The following GLRA3 variants were observed in gnomAD, a reference collection of about 807,000 sequenced individuals.
GLRA3 encodes the protein glycine receptor alpha 3.
Under a neutral mutation model 60.4 loss-of-function variants are expected in GLRA3, and 44 were observed. That is an observed-to-expected ratio of 0.73 (90% CI 0.57 to 0.94). The LOEUF is 0.94. Among genes scored for constraint, GLRA3 ranks in the 40% least tolerant of loss-of-function variants. GLRA3 has a pLI of 0.00. For missense variants in GLRA3, 508 were observed against 564.6 expected (o/e 0.90, Z 1.02); for synonymous variants, 223 against 192.9 (o/e 1.16, Z -1.29).
At chr4:174,691,227 T>C (rs1734780993) in intron 5 of GLRA3, among the ~76,000 whole-genome samples, 1 of 152,230 alleles carries the variant, frequency 6.6e-6, no homozygotes, top group Non-Finnish European at 1.5e-5. Context: ...TTTTTAGTAA[T>C]AGCCATTTTG....
intron 5 of GLRA3, among the ~76,000 whole-genome samples, chr4:174,692,151 C>T (rs1027876003): frequency 1.3e-5 from 2 of 151,974 alleles, no homozygotes; most frequent in African/African-American, 4.8e-5. Context: ...AGCCCCTCCG[C>T]CCAGCAGCCA....
chr4:174,718,354 A>G lies in GLRA3; in HGVS notation c.492-2784T>C, dbSNP rs1285455892. Among the ~76,000 whole-genome samples the G allele has an allele frequency of 4.6e-5, 7 of 152,318 alleles. No individual in the cohort carries two copies. The East Asian group carries it at 7.7e-4, about 17-fold the overall frequency. On this transcript the variant is annotated intron_variant, in intron 4 of 9. Transcript: ENST00000274093. Reference sequence around the variant, plus strand: ...ATAAATGTTTACTTGTGTAAGAGAGACACTAAGTTCTCTTTCTGAGACAAG... The same window carrying G: ...ATAAATGTTTACTTGTGTAAGAGAGGCACTAAGTTCTCTTTCTGAGACAAG...
rs377758297 is a variant in GLRA3, at chr4:174,820,901, A to AT, written c.71+7839dup. ...TTGTTGCCACAGTTAGCTGACAATC[A>AT]TTTTTTTTTTAAATTTCATAGTAAC... On this transcript the variant is annotated intron_variant, in intron 1 of 9. Coordinates refer to ENST00000274093, the MANE Select transcript of GLRA3 (RefSeq NM_006529.4). Among the ~76,000 whole-genome samples, 105 of 150,650 alleles carry AT rather than the reference A, an allele frequency of 7.0e-4. 1 individual carries two copies. The highest frequency in any genetic ancestry group is 5.4e-3 in the South Asian group (26 of 4,772).
chr4:174,794,654 T>G (rs1739488435), intron 1 of GLRA3, among the ~76,000 whole-genome samples: 1 of 152,202 alleles, frequency 6.6e-6, no homozygotes, highest in African/African-American at 2.4e-5. Context: ...AAACTCATTC[T>G]TAATCTTTTT....
chr4:174,795,288 T>G (rs1739520502), intron 1 of GLRA3, among the ~76,000 whole-genome samples: 1 of 152,064 alleles, frequency 6.6e-6, no homozygotes, highest in Non-Finnish European at 1.5e-5. Context: ...ACTAAAATTA[T>G]CTGCTTTCTC....
chr4:174,730,546 C>T (rs1736512264), intron 3 of GLRA3, among the ~76,000 whole-genome samples: 1 of 152,184 alleles, frequency 6.6e-6, no homozygotes. Flanking sequence ...CTGTTCACCA[C>T]ACTTAGGCTA....
At chr4:174,747,670 A>G (rs1464665853) in intron 3 of GLRA3, among the ~76,000 whole-genome samples, 1 of 152,102 alleles carries the variant, frequency 6.6e-6, no homozygotes, top group Non-Finnish European at 1.5e-5. Context: ...GTGATTCATT[A>G]GATATTGAGC....
Position 174,829,055 on chromosome 4 carries a change from T to G in GLRA3, c.-244A>C, listed in dbSNP as rs1741098533. The G allele has an allele frequency of 2.2e-6, 1 of 446,942 alleles. No individual in the cohort carries two copies. Among genetic ancestry groups the G allele is most frequent in the Admixed American group, 3.8e-5 (1 of 26,188 alleles). The allele number at this position is 446,942 out of a possible 1,614,324, so 27.7% of individuals were successfully genotyped here. ...TTTACAGTGAAATTACAAAAATGAG[T>G]GAGATGAAATGTCTGAAGTGCCTAG... On this transcript the variant is annotated 5_prime_UTR_variant, in exon 1 of 10. Transcript: ENST00000274093.
At chr4:174,781,122 C>A (rs1738850863) in intron 2 of GLRA3, among the ~76,000 whole-genome samples, 1 of 152,034 alleles carries the variant, frequency 6.6e-6, no homozygotes, top group Admixed American at 6.5e-5. Flanking sequence ...ATCTCTCAGA[C>A]CACAGTGCAA....
At chr4:174,752,356 G>T (rs1579552466) in intron 3 of GLRA3, among the ~76,000 whole-genome samples, 1 of 152,100 alleles carries the variant, frequency 6.6e-6, no homozygotes, top group Non-Finnish European at 1.5e-5. Flanking sequence ...AGGGAAAGAG[G>T]TTAAATTTCA....
rs139401768 is a variant in GLRA3, at chr4:174,774,458, A to G, written c.200-7428T>C. 3.0e-3 allele frequency among the ~76,000 whole-genome samples: 285 copies of G among 94,406 alleles called. 7 individuals carry two copies. The highest frequency in any genetic ancestry group is 5.0e-4 in the Non-Finnish European group (22 of 43,862). The allele number at this position is 94,406 out of a possible 152,430, so 61.9% of individuals were successfully genotyped here. On this transcript the variant is annotated intron_variant, in intron 2 of 9. Transcript: ENST00000274093. ...TATATATAGATATATCCTGGCAGGCACCAACTTAATCAGGTAATCATAACC... is the reference window on the plus strand; with the variant it reads ...TATATATAGATATATCCTGGCAGGCGCCAACTTAATCAGGTAATCATAACC...
At chr4:174,810,301 T>C (rs985210902) in intron 1 of GLRA3, among the ~76,000 whole-genome samples, 1 of 152,146 alleles carries the variant, frequency 6.6e-6, no homozygotes, top group African/African-American at 2.4e-5. Context: ...TTCACTTCTC[T>C]ATTCTGTGGC....
intron 7 of GLRA3, among the ~76,000 whole-genome samples, chr4:174,666,761 A>ATTATATATATATATATATATATATAT (rs1356270254): frequency 1.4e-5 from 1 of 72,346 alleles, no homozygotes; most frequent in East Asian, 5.4e-4. Context: ...TATATATATT[A>ATTATATATATATATATATATATATAT]TATATATATA....
intron 1 of GLRA3, among the ~76,000 whole-genome samples, chr4:174,797,370 G>A (rs1466912980): frequency 4.6e-5 from 7 of 152,056 alleles, no homozygotes; most frequent in African/African-American, 1.7e-4. Context: ...CAAAATCTGT[G>A]GTAATTAGCT....
chr4:174,722,127 T>A (rs1275210598), intron 4 of GLRA3, among the ~76,000 whole-genome samples: 2 of 152,160 alleles, frequency 1.3e-5, no homozygotes. Context: ...GAAGTTTAAG[T>A]CTGCCTTTCA....
chr4:174,744,150 G>C (rs1737135951), intron 3 of GLRA3, among the ~76,000 whole-genome samples: 1 of 152,248 alleles, frequency 6.6e-6, no homozygotes, highest in South Asian at 2.1e-4. Context: ...TGGGGCTATG[G>C]TTGGCAACCC....
At chr4:174,777,047 T>C (rs1302314909) in intron 2 of GLRA3, among the ~76,000 whole-genome samples, 2 of 152,132 alleles carry the variant, frequency 1.3e-5, no homozygotes, top group Non-Finnish European at 2.9e-5. Context: ...TAGACACAGA[T>C]GACTGGGGAA....
Position 174,639,642 on chromosome 4 carries a change from G to A in GLRA3, c.*4144C>T, listed in dbSNP as rs546976804. 9.2e-5 allele frequency: 14 copies of A among 152,140 alleles called. No individual in the cohort carries two copies. The South Asian group carries it at 2.7e-3, about 29-fold the overall frequency. The allele number at this position is 152,140 out of a possible 1,614,324, so 9.4% of individuals were successfully genotyped here. ...AAGTATCTTTGTTATGGAAGAATAT[G>A]CATCACTTTACTTTTGAAGTAATTG... On this transcript the variant is annotated 3_prime_UTR_variant, in exon 10 of 10. Coordinates refer to ENST00000274093, the MANE Select transcript of GLRA3 (RefSeq NM_006529.4).
At chr4:174,715,612 T>C (rs1158588728) in intron 4 of GLRA3, 42 bp from the exon 5 acceptor site, 1 of 897,248 alleles carries the variant, frequency 1.1e-6, no homozygotes, top group Non-Finnish European at 1.8e-6. Flanking sequence ...ATTTATGACA[T>C]TATATTAATA....
Sources: allele counts gnomAD v4.1 joint callset (sites outside exome capture counted in the v4.1 genomes callset), GRCh38; gene constraint gnomAD v4.1.1; transcripts MANE v1.5; gene names NCBI Gene and HGNC (gene_info 2026-07-23, HGNC 2026-07-21).